The following ACOX2 variants were observed in gnomAD, a reference collection of about 807,000 sequenced individuals.
The protein encoded by ACOX2 is peroxisomal acyl-coenzyme A oxidase 2.
In ACOX2, 59 loss-of-function variants were observed where a neutral mutation model predicts 77.5. The observed-to-expected ratio is 0.76, with a 90% CI of 0.62 to 0.95. ACOX2 has a LOEUF of 0.95. ACOX2 is among the 40% of genes least tolerant of loss of function. The pLI is 0.00. For missense variants in ACOX2, 837 were observed against 880.4 expected, an observed-to-expected ratio of 0.95 and a Z score of 0.62; for synonymous variants, 317 against 340.1, an observed-to-expected ratio of 0.93 and a Z score of 0.75.
In ACOX2 at chr3:58,531,865, T is replaced by C; in HGVS notation, c.584-53A>G. The C allele has an allele frequency of 6.4e-7, 1 of 1,559,910 alleles. No individual in the cohort carries two copies. The highest frequency in any genetic ancestry group is 8.7e-7 in the Non-Finnish European group (1 of 1,154,034). On this transcript the variant is annotated intron_variant, in intron 5 of 14. Transcript: ENST00000302819. This position sits in a 1 kb window ranked among gnomAD's most constrained non-coding sequence, Gnocchi z 5.8. The stretch of plus-strand genomic sequence containing the variant: ...CACAGGAAGACCTGTGCATTGCTTT[T>C]CCCAACCAACCCAGCCTCCTGGGGC...
chr3:58,532,350 C>T (rs1477310408), intron 5 of ACOX2, among the ~76,000 whole-genome samples: 1 of 151,848 alleles, frequency 6.6e-6, no homozygotes, highest in Admixed American at 6.6e-5. Context: ...ATCACTCTCT[C>T]ATCTCTCTCT....
Position 58,518,975 on chromosome 3 carries a change from T to G in ACOX2, c.1633-1552A>C, listed in dbSNP as rs2063340762. ...GTTTTTTATGTGCATATAGATCACCTGGGGATCTTGTCAAAATGCAGATTC... is the reference window on the plus strand; with the variant it reads ...GTTTTTTATGTGCATATAGATCACCGGGGGATCTTGTCAAAATGCAGATTC... On this transcript the variant is annotated intron_variant, in intron 12 of 14. Coordinates refer to ENST00000302819, the MANE Select transcript of ACOX2 (RefSeq NM_003500.4). 4.6e-5 allele frequency among the ~76,000 whole-genome samples: 7 copies of G among 152,134 alleles called. No individual in the cohort carries two copies. In the South Asian group the frequency reaches 1.5e-3, roughly 32 times the overall value.
rs771551127 is a variant in ACOX2 at position 58,530,476 on chromosome 3, G to A, written c.982C>T (p.Leu328Phe). The change falls in exon 8 of 15, where the codon CTC becomes TTC. Residue 328 changes from leucine to phenylalanine, a missense_variant. Physicochemically the swap from Leu to Phe is conservative, Grantham distance 22 (BLOSUM62 0). Coordinates refer to ENST00000302819, the MANE Select transcript of ACOX2 (RefSeq NM_003500.4). ...CTGGGCACCCCTTGCCTGGGCCGGA[G>A]CCGGGATTGGCGGCGGATGACCGAG... The part of the protein sequence containing the change: ...RYSVIRRQSR[L>F]RPSDPEAKVL... 1 of 1,614,014 alleles carries A rather than the reference G, an allele frequency of 6.2e-7. No individual in the cohort carries two copies. Among genetic ancestry groups the A allele is most frequent in the Non-Finnish European group, 8.5e-7 (1 of 1,179,872 alleles).
In ACOX2 at chr3:58,515,654, C is replaced by T. The variant is rs187177169; in HGVS notation, c.1850+1552G>A. 3.7e-4 allele frequency among the ~76,000 whole-genome samples: 57 copies of T among 152,192 alleles called. No homozygotes were observed. The highest frequency in any genetic ancestry group is 1.9e-4 in the East Asian group (1 of 5,184). On this transcript the variant is annotated intron_variant, in intron 13 of 14. Transcript: ENST00000302819. This position sits in a 1 kb window ranked among gnomAD's most constrained non-coding sequence, Gnocchi z 4.0. ...AAGAATTGTTGGAGATTCTAGGAGTCGCCTCTAACCCCATGCAATAGGTAT... is the reference window on the plus strand; with the variant it reads ...AAGAATTGTTGGAGATTCTAGGAGTTGCCTCTAACCCCATGCAATAGGTAT...
Position 58,528,889 on chromosome 3 carries a change from T to C in ACOX2, c.1060A>G (p.Ser354Gly), listed in dbSNP as rs1484291713. Residue 354 changes from serine to glycine, a missense_variant, in exon 9 of 15, where the codon AGT (serine) becomes GGT (glycine). By Grantham distance (56) the Ser-to-Gly change is moderately conservative (BLOSUM62 0). Transcript: ENST00000302819. This position sits in a 1 kb window ranked among gnomAD's most constrained non-coding sequence, Gnocchi z 5.6. The stretch of plus-strand genomic sequence containing the variant: ...ACTGCCAGGAAATGGAAGGCATAAC[T>C]GATGGCCAGCTGAGGAAAGAGTTTC... ...QQKLFPQLAI[S>G]YAFHFLAVSL... is the part of the protein sequence containing the mutation. 1 of 1,613,764 alleles carries C rather than the reference T, an allele frequency of 6.2e-7. No homozygotes were observed. The highest frequency in any genetic ancestry group is 1.1e-5 in the South Asian group (1 of 90,926).
Position 58,519,521 on chromosome 3 carries a change from G to A in ACOX2, c.1633-2098C>T, listed in dbSNP as rs766224088. On this transcript the variant is annotated intron_variant, in intron 12 of 14. Transcript: ENST00000302819. This position sits in a 1 kb window ranked among gnomAD's most constrained non-coding sequence, Gnocchi z 5.0. The stretch of plus-strand genomic sequence containing the variant: ...AGGAAGCTGCAGGCAATTTAATGAG[G>A]CTGAAGTGTGGTGGTATAATGAGGT... 3.3e-5 allele frequency among the ~76,000 whole-genome samples: 5 copies of A among 152,144 alleles called. No individual in the cohort carries two copies. The highest frequency in any genetic ancestry group is 7.3e-5 in the Non-Finnish European group (5 of 68,032).
rs1486229052 is a variant in ACOX2, at chr3:58,535,180, T to C, written c.-74A>G. On this transcript the variant is annotated 5_prime_UTR_variant, in exon 2 of 15. The change abolishes an upstream ATG in the 5' untranslated region. Transcript: ENST00000302819. This position sits in a 1 kb window ranked among gnomAD's most constrained non-coding sequence, Gnocchi z 4.8. ...CTGCTCCGAGGGTCTGCTCTCAGCATTGGTCAGTGCAAAGAACCTGTGTGC... is the reference window on the plus strand; with the variant it reads ...CTGCTCCGAGGGTCTGCTCTCAGCACTGGTCAGTGCAAAGAACCTGTGTGC... 3.8e-6 allele frequency: 6 copies of C among 1,587,038 alleles called. No homozygotes were observed. The highest frequency in any genetic ancestry group is 4.3e-6 in the Non-Finnish European group (5 of 1,158,118).
intron 13 of ACOX2, among the ~76,000 whole-genome samples, chr3:58,513,336 A>G (rs2063300724): frequency 1.3e-5 from 2 of 151,674 alleles, no homozygotes; most frequent in South Asian, 4.2e-4. Flanking sequence ...TTTATTAATG[A>G]TTCGCTTCCT....
chr3:58,526,369 G>C lies in ACOX2; in HGVS notation c.1346+97C>G, dbSNP rs973866282. 7.6e-5 allele frequency: 105 copies of C among 1,376,018 alleles called. 2 individuals are homozygous for C. Among genetic ancestry groups the C allele is most frequent in the South Asian group, 8.9e-5 (6 of 67,140 alleles). The allele number at this position is 1,376,018 out of a possible 1,614,324, so 85.2% of individuals were successfully genotyped here. On this transcript the variant is annotated intron_variant, in intron 10 of 14. Coordinates refer to ENST00000302819, the MANE Select transcript of ACOX2 (RefSeq NM_003500.4). The surrounding 1 kb of genome is among the most constrained non-coding windows in gnomAD (Gnocchi z 4.3). ...TCCCAAATAGCACTTCGCAAAGCCT[G>C]CTCTTTTTATGGGCCTCAGACGGAA...
Position 58,508,954 on chromosome 3 carries a change from T to C in ACOX2, c.1922A>G (p.Tyr641Cys). The C allele has an allele frequency of 6.2e-7, 1 of 1,614,196 alleles. No homozygotes were observed. The highest frequency in any genetic ancestry group is 1.1e-5 in the South Asian group (1 of 91,088). The change falls in exon 14 of 15, where the codon TAT (tyrosine) becomes TGT (cysteine). Residue 641 changes from tyrosine (Y) to cysteine (C), a missense_variant. Tyr to Cys is a radical substitution (Grantham distance 194). Coordinates refer to ENST00000302819, the MANE Select transcript of ACOX2 (RefSeq NM_003500.4). Reference sequence around the variant, plus strand: ...CAGGCGTTCGTAGACGTTTCCATCATAACAGCCAAGTGCTGAATTTAAACA... The same window carrying C: ...CAGGCGTTCGTAGACGTTTCCATCACAACAGCCAAGTGCTGAATTTAAACA... ...DQCLNSALGC[Y>C]DGNVYERLFQ...
Position 58,531,805 on chromosome 3 carries a change from C to G in ACOX2, c.591G>C (p.Arg197=), listed in dbSNP as rs1462721585. Residue 197 remains arginine (R), a synonymous_variant, in exon 6 of 15, where the codon CGG becomes CGC. Coordinates refer to ENST00000302819, the MANE Select transcript of ACOX2 (RefSeq NM_003500.4). The surrounding 1 kb of genome is among the most constrained non-coding windows in gnomAD (Gnocchi z 5.8). ...CCTGGACCAGGGCATGGGTGGCTGA[C>G]CGTCCCACTGAGGGCAGAGAGAGTA... ...ATKWWPGDLG[R]SATHALVQAQ... 4.3e-6 allele frequency: 7 copies of G among 1,613,462 alleles called. No homozygotes were observed. Among genetic ancestry groups the G allele is most frequent in the African/African-American group, 1.3e-5 (1 of 74,920 alleles).
rs1188072230 is a variant in ACOX2 at position 58,511,155 on chromosome 3, C to G, written c.1851-2130G>C. Reference sequence around the variant, plus strand: ...TCAGGCTCTCAGCTCAGGCCTCAGTCCCTCCTTGTCTACTAGATGTCTTTT... The same window carrying G: ...TCAGGCTCTCAGCTCAGGCCTCAGTGCCTCCTTGTCTACTAGATGTCTTTT... On this transcript the variant is annotated intron_variant, in intron 13 of 14. Coordinates refer to ENST00000302819, the MANE Select transcript of ACOX2 (RefSeq NM_003500.4). 8 of 412,128 alleles carry G rather than the reference C, an allele frequency of 1.9e-5. No individual in the cohort carries two copies. In the Admixed American group the frequency reaches 2.2e-4, roughly 12 times the overall value. The allele number at this position is 412,128 out of a possible 1,614,324, so 25.5% of individuals were successfully genotyped here.
At position 58,533,958 on chromosome 3, in the gene ACOX2, A is replaced by G. The variant is rs2063459219; in HGVS notation, c.475+36T>C. On this transcript the variant is annotated intron_variant, in intron 4 of 14. Coordinates refer to ENST00000302819, the MANE Select transcript of ACOX2 (RefSeq NM_003500.4). This position sits in a 1 kb window ranked among gnomAD's most constrained non-coding sequence, Gnocchi z 5.6. ...TGGGCCCTCTGGAGTTTTGCAGTGCACAACCTAAACACCACACGCAGCAGT... is the reference window on the plus strand; with the variant it reads ...TGGGCCCTCTGGAGTTTTGCAGTGCGCAACCTAAACACCACACGCAGCAGT... The G allele has an allele frequency of 9.9e-6, 16 of 1,612,046 alleles. No individual in the cohort carries two copies. The East Asian group carries it at 3.6e-4, about 36-fold the overall frequency.
In ACOX2 at chr3:58,528,514, C is replaced by G. The variant is rs1286063668; in HGVS notation, c.1155+280G>C. The stretch of plus-strand genomic sequence containing the variant: ...AGTTCCAAACAACTGTTTTTCGGAG[C>G]TTTTCAGGTTTCAAATACACATCAG... On this transcript the variant is annotated intron_variant, in intron 9 of 14. Transcript: ENST00000302819. This position sits in a 1 kb window ranked among gnomAD's most constrained non-coding sequence, Gnocchi z 5.6. Among the ~76,000 whole-genome samples the G allele has an allele frequency of 1.3e-5, 2 of 152,216 alleles. No individual in the cohort carries two copies. Among genetic ancestry groups the G allele is most frequent in the Non-Finnish European group, 2.9e-5 (2 of 68,028 alleles).
chr3:58,518,103 AAAG>A (rs2063335035), intron 12 of ACOX2, among the ~76,000 whole-genome samples: 1 of 151,500 alleles, frequency 6.6e-6, no homozygotes, highest in South Asian at 2.1e-4. Context: ...AAAAAAAAGA[AAAG>A]AAAAGAAAAT....
chr3:58,508,988 T>C lies in ACOX2; in HGVS notation c.1888A>G (p.Thr630Ala), dbSNP rs1560208790. 6.2e-7 allele frequency: 1 copy of C among 1,614,148 alleles called. No homozygotes were observed. Among genetic ancestry groups the C allele is most frequent in the Admixed American group, 1.7e-5 (1 of 60,020 alleles). ...AILLTDAFDF[T>A]DQCLNSALGC... ...AGTGCTGAATTTAAACACTGATCGGTGAAGTCAAAAGCATCAGTTAACAGG... is the reference window on the plus strand; with the variant it reads ...AGTGCTGAATTTAAACACTGATCGGCGAAGTCAAAAGCATCAGTTAACAGG... Residue 630 changes from threonine to alanine, a missense_variant, in exon 14 of 15, where the codon ACC (threonine) becomes GCC (alanine). Transcript: ENST00000302819.
Position 58,514,263 on chromosome 3 carries a change from A to G in ACOX2, c.1850+2943T>C, listed in dbSNP as rs187356640. On this transcript the variant is annotated intron_variant, in intron 13 of 14. Coordinates refer to ENST00000302819, the MANE Select transcript of ACOX2 (RefSeq NM_003500.4). The surrounding 1 kb of genome is among the most constrained non-coding windows in gnomAD (Gnocchi z 4.3). ...CAAGAGCAGCCTGGACAACACAGAG[A>G]CAACATCTCTTTCTCTTTGTGGGTT... Among the ~76,000 whole-genome samples, 3 of 152,318 alleles carry G rather than the reference A, an allele frequency of 2.0e-5. No individual in the cohort carries two copies. The highest frequency in any genetic ancestry group is 2.0e-4 in the Admixed American group (3 of 15,300).
rs980930922 is a variant in ACOX2, at chr3:58,512,294, A to G, written c.1851-3269T>C. Among the ~76,000 whole-genome samples the G allele has an allele frequency of 6.6e-6, 1 of 152,148 alleles. No individual in the cohort carries two copies. Among genetic ancestry groups the G allele is most frequent in the Non-Finnish European group, 1.5e-5 (1 of 68,018 alleles). On this transcript the variant is annotated intron_variant, in intron 13 of 14. Coordinates refer to ENST00000302819, the MANE Select transcript of ACOX2 (RefSeq NM_003500.4). This position sits in a 1 kb window ranked among gnomAD's most constrained non-coding sequence, Gnocchi z 4.8. ...TGTTCTGCCTTCAAGATATATTCAA[A>G]CTTCAACCATTCCCACCACCTCCAG... is the stretch of plus-strand genomic sequence containing the variant.
chr3:58,507,411 G>A (rs1199912987), intron 14 of ACOX2, among the ~76,000 whole-genome samples: 2 of 152,234 alleles, frequency 1.3e-5, no homozygotes, highest in Non-Finnish European at 2.9e-5. Context: ...ATGTTCTCAT[G>A]TAGTATCCAG....
Sources: allele counts gnomAD v4.1 joint callset (sites outside exome capture counted in the v4.1 genomes callset), GRCh38; gene constraint gnomAD v4.1.1; non-coding constraint Gnocchi (gnomAD v3.1); transcripts MANE v1.5; gene names NCBI Gene and HGNC (gene_info 2026-07-23, HGNC 2026-07-21).